Variants in ADGRL2 observed in about 807,000 individuals in gnomAD.
ADGRL2 encodes adhesion G protein-coupled receptor L2, also known as calcium-independent alpha-latrotoxin receptor 2.
Under a neutral mutation model 157.4 loss-of-function variants are expected in ADGRL2, and 44 were observed. That is an observed-to-expected ratio of 0.28 (90% CI 0.22 to 0.36). ADGRL2 has a LOEUF of 0.36. ADGRL2 is among the 10% of genes least tolerant of loss of function. ADGRL2 has a pLI of 1.00. For synonymous variants in ADGRL2, 585 were observed against 624.7 expected (o/e 0.94, Z 0.95); for missense variants, 1,510 against 1,768.9 (o/e 0.85, Z 2.63).
At chr1:81,514,801 T>C (rs1203273896) in intron 2 of ADGRL2, 4 of 152,214 alleles carry the variant, frequency 2.6e-5, no homozygotes, top group Non-Finnish European at 5.9e-5. Context: ...AAATTCTGCA[T>C]CGGGCATTAA....
intron 2 of ADGRL2, among the ~76,000 whole-genome samples, chr1:81,768,679 T>C (rs1454273044): frequency 1.3e-5 from 2 of 152,084 alleles, no homozygotes; most frequent in African/African-American, 2.4e-5. Flanking sequence ...CACTATGTTG[T>C]TCAGGCTGGT....
intron 2 of ADGRL2, among the ~76,000 whole-genome samples, chr1:81,522,834 A>C (rs1345625348): frequency 6.6e-6 from 1 of 152,190 alleles, no homozygotes; most frequent in Non-Finnish European, 1.5e-5. Flanking sequence ...CAATAAATTG[A>C]GTATACAAAT....
chr1:81,629,543 G>GTAAAA (rs2081971150), intron 3 of ADGRL2, among the ~76,000 whole-genome samples: 1 of 152,002 alleles, frequency 6.6e-6, no homozygotes, highest in South Asian at 2.1e-4. Context: ...ATAACACATG[G>GTAAAA]TAAAGTTTTA....
chr1:81,337,249 C>A (rs1369580704), intron 1 of ADGRL2, among the ~76,000 whole-genome samples: 1 of 152,196 alleles, frequency 6.6e-6, no homozygotes, highest in Non-Finnish European at 1.5e-5. Context: ...AGGGGGCTGT[C>A]ACACTGAGCT....
chr1:81,725,953 A>C (rs1283845162), intron 1 of ADGRL2, among the ~76,000 whole-genome samples: 1 of 152,304 alleles, frequency 6.6e-6, no homozygotes, highest in African/African-American at 2.4e-5. Context: ...ACTGCACTCC[A>C]GCCTGGGCGA....
At chr1:81,769,739 T>C (rs952877111) in intron 2 of ADGRL2, among the ~76,000 whole-genome samples, 16 of 152,216 alleles carry the variant, frequency 1.1e-4, no homozygotes, top group Non-Finnish European at 2.2e-4. Flanking sequence ...TGAAATTTGT[T>C]AGTATGTACA....
At chr1:81,607,146 G>T (rs2081450957) in intron 3 of ADGRL2, among the ~76,000 whole-genome samples, 1 of 152,084 alleles carries the variant, frequency 6.6e-6, no homozygotes, top group South Asian at 2.1e-4. Flanking sequence ...CTTTCTATGA[G>T]TTACTATGAC....
In ADGRL2 at chr1:81,343,087, C is replaced by CTTTTTTTTTTTTTTTT. The variant is rs764039251; in HGVS notation, c.-302+36582_-302+36583insTTTTTTTTTTTTTTTT. Among the ~76,000 whole-genome samples, 105 of 127,474 alleles carry CTTTTTTTTTTTTTTTT rather than the reference C, an allele frequency of 8.2e-4. 2 individuals are homozygous for CTTTTTTTTTTTTTTTT. The highest frequency in any genetic ancestry group is 1.8e-3 in the African/African-American group (60 of 34,062). The allele number at this position is 127,474 out of a possible 152,430, so 83.6% of individuals were successfully genotyped here. On this transcript the variant is annotated intron_variant, in intron 1 of 24. Coordinates refer to the ADGRL2 transcript ENST00000370721. ...TTTTTCTTTTCTTTTTTTCTTTTTT[C>CTTTTTTTTTTTTTTTT]TTTTCTTTTTTTTTTTTTTGAGACA...
At chr1:81,936,315 G>A (rs774762477) in intron 3 of ADGRL2, among the ~76,000 whole-genome samples, 21 of 151,902 alleles carry the variant, frequency 1.4e-4, no homozygotes, top group Middle Eastern at 3.4e-3. Flanking sequence ...TTACGTTTCT[G>A]TTTAGTTATA....
intron 1 of ADGRL2, chr1:81,427,168 C>T: frequency 2.9e-6 from 3 of 1,028,696 alleles, no homozygotes; most frequent in Non-Finnish European, 4.6e-6. Flanking sequence ...GCGGAGGAAA[C>T]TTTCGAGGTG....
At chr1:81,946,206 G>T (rs539323969) in intron 6 of ADGRL2, among the ~76,000 whole-genome samples, 5 of 151,476 alleles carry the variant, frequency 3.3e-5, no homozygotes, top group Middle Eastern at 3.4e-3. Context: ...TTATCCATTC[G>T]TTTTTTTTCA....
intron 2 of ADGRL2, among the ~76,000 whole-genome samples, chr1:81,541,129 C>T (rs1389501213): frequency 6.6e-6 from 1 of 152,116 alleles, no homozygotes; most frequent in Non-Finnish European, 1.5e-5. Flanking sequence ...TATCAATAAT[C>T]TTACAAGAAC....
At chr1:81,839,815 A>G (rs1032802688) in intron 2 of ADGRL2, among the ~76,000 whole-genome samples, 2 of 142,032 alleles carry the variant, frequency 1.4e-5, no homozygotes, top group African/African-American at 5.1e-5. Flanking sequence ...TCCATCATAT[A>G]TATATGTTTT....
At chr1:81,676,710 C>T (rs937173731) in intron 3 of ADGRL2, among the ~76,000 whole-genome samples, 1 of 151,592 alleles carries the variant, frequency 6.6e-6, no homozygotes, top group Admixed American at 6.6e-5. Context: ...TTTTTTGAGA[C>T]GAGTCTTGCT....
At chr1:81,436,792 T>A (rs919716941) in intron 1 of ADGRL2, among the ~76,000 whole-genome samples, 2 of 152,242 alleles carry the variant, frequency 1.3e-5, no homozygotes, top group Non-Finnish European at 2.9e-5. Context: ...TTGTCACCTA[T>A]CAGGACCTGA....
At chr1:81,770,453 G>T (rs140220510) in intron 2 of ADGRL2, among the ~76,000 whole-genome samples, 149 of 151,450 alleles carry the variant, frequency 9.8e-4, no homozygotes, top group African/African-American at 3.5e-3. Context: ...GAGCCACCAC[G>T]CCTGGCTGCC....
chr1:81,718,069 G>A (rs929127164), intron 1 of ADGRL2, among the ~76,000 whole-genome samples: 2 of 152,248 alleles, frequency 1.3e-5, no homozygotes, highest in East Asian at 1.9e-4. Flanking sequence ...GGCAAGGCTC[G>A]AGTGCAGTGG....
At chr1:81,802,441 C>T (rs2088377043) in intron 1 of ADGRL2, among the ~76,000 whole-genome samples, 1 of 152,062 alleles carries the variant, frequency 6.6e-6, no homozygotes, top group African/African-American at 2.4e-5. Context: ...AATCGATCCG[C>T]AGAACTCTCA....
intron 2 of ADGRL2, among the ~76,000 whole-genome samples, chr1:81,534,597 C>T (rs533964669): frequency 1.3e-5 from 2 of 152,340 alleles, no homozygotes; most frequent in South Asian, 4.1e-4. Flanking sequence ...AAACTGTTCC[C>T]ATTTTTCAGA....
Sources: gnomAD v4.1 joint callset for allele counts (sites outside exome capture counted in the v4.1 genomes callset) on GRCh38, gnomAD v4.1.1 for gene constraint, MANE v1.5 for transcripts, NCBI Gene and HGNC (gene_info 2026-07-23, HGNC 2026-07-21) for gene names.